Variants in ZSCAN5B observed in about 807,000 individuals in gnomAD.
The protein encoded by ZSCAN5B is zinc finger and SCAN domain-containing protein 5B.
Under a neutral mutation model 25.2 loss-of-function variants are expected in ZSCAN5B, and 26 were observed. The observed-to-expected ratio is 1.03, with a 90% CI of 0.76 to 1.43. The LOEUF (loss-of-function observed/expected upper bound fraction) is 1.43, where lower values mean the gene tolerates loss of function less well. Ranked by LOEUF, ZSCAN5B falls within the 40% of genes most tolerant of loss-of-function variation. The probability of loss-of-function intolerance (pLI) is 0.00; values close to 1 mark genes in which losing one functional copy is unlikely to be tolerated. For missense variants in ZSCAN5B, 745 were observed against 622.1 expected (o/e 1.20, Z -2.10); for synonymous variants, 244 against 240.9 (o/e 1.01, Z -0.12).
chr19:56,196,842 A>T (rs77490062), intron 1 of ZSCAN5B, among the ~76,000 whole-genome samples: 7,416 of 152,210 alleles, frequency 0.049, 477 homozygotes, highest in East Asian at 0.27. Context: ...AAATTCTGGG[A>T]ATTAAAGAGG....
At chr19:56,190,200 A>G in exon 5 of ZSCAN5B, 8 of 1,614,084 alleles carry the variant, frequency 5.0e-6, no homozygotes, top group Non-Finnish European at 6.8e-6. Context: ...CCTCCTGTGG[A>G]TGCTTAGCTG....
intron 3 of ZSCAN5B, 68 bp from the exon 4 acceptor site, chr19:56,191,055 C>A: frequency 2.5e-6 from 4 of 1,605,996 alleles, no homozygotes; most frequent in Non-Finnish European, 3.4e-6. Flanking sequence ...CATGTCTGTC[C>A]CCTCCTGACT....
chr19:56,191,071 C>G (rs112013480), intron 3 of ZSCAN5B, 84 bp from the exon 4 acceptor site: 1 of 1,581,834 alleles, frequency 6.3e-7, no homozygotes. Flanking sequence ...TGACTGGACA[C>G]ACCAGACTTC....
At chr19:56,190,669 A>T in intron 4 of ZSCAN5B, 94 bp from the exon 5 acceptor site, 1 of 1,554,988 alleles carries the variant, frequency 6.4e-7, no homozygotes, top group Non-Finnish European at 8.7e-7. Context: ...TTGGCTGAGA[A>T]CTTCCCCTCA....
At chr19:56,195,128 A>G (rs180856026) in intron 1 of ZSCAN5B, among the ~76,000 whole-genome samples, 28 of 152,200 alleles carry the variant, frequency 1.8e-4, no homozygotes, top group Admixed American at 3.3e-4. Flanking sequence ...GAGGGCGAGT[A>G]CCCCACACTT....
At chr19:56,197,246 C>A (rs944663214) in intron 1 of ZSCAN5B, among the ~76,000 whole-genome samples, 1 of 151,356 alleles carries the variant, frequency 6.6e-6, no homozygotes, top group African/African-American at 2.4e-5. Flanking sequence ...GACCTCGGCT[C>A]ACTGCAACCT....
At chr19:56,194,287 T>C (rs1309237036) in intron 1 of ZSCAN5B, among the ~76,000 whole-genome samples, 1 of 152,004 alleles carries the variant, frequency 6.6e-6, no homozygotes, top group East Asian at 1.9e-4. Context: ...GATCATACCA[T>C]AGAGCGGTTT....
At chr19:56,195,841 A>AT (rs769592902) in intron 1 of ZSCAN5B, among the ~76,000 whole-genome samples, 4 of 107,316 alleles carry the variant, frequency 3.7e-5, no homozygotes, top group African/African-American at 1.2e-4. Context: ...TAAAAGTGGA[A>AT]TTTTTTTTTA....
exon 2 of ZSCAN5B, chr19:56,192,698 G>A (rs957894969): frequency 5.7e-6 from 9 of 1,591,082 alleles, no homozygotes; most frequent in Admixed American, 1.7e-5. Flanking sequence ...TTATTTCGTA[G>A]CAGGTCCTCC....
chr19:56,197,384 C>T (rs1229997308), intron 1 of ZSCAN5B, among the ~76,000 whole-genome samples: 3 of 152,054 alleles, frequency 2.0e-5, no homozygotes, highest in Non-Finnish European at 4.4e-5. Flanking sequence ...ATTACGGGCG[C>T]CCGCCACCAC....
At chr19:56,195,613 G>A (rs932952984) in intron 1 of ZSCAN5B, among the ~76,000 whole-genome samples, 5 of 151,956 alleles carry the variant, frequency 3.3e-5, no homozygotes, top group Admixed American at 1.3e-4. Context: ...GCATGAGCCG[G>A]CAATCCCGCT....
At chr19:56,189,848 G>A (rs1209139512) in exon 5 of ZSCAN5B, 1 of 1,609,632 alleles carries the variant, frequency 6.2e-7, no homozygotes, top group Admixed American at 1.7e-5. Flanking sequence ...TGGTTTCCCG[G>A]TGTGTTTTCA....
exon 5 of ZSCAN5B, chr19:56,190,082 G>A (rs2032704686): frequency 1.2e-6 from 2 of 1,614,066 alleles, no homozygotes; most frequent in Non-Finnish European, 1.7e-6. Context: ...CGTCACACAT[G>A]TAGGGCCTCT....
rs1160755887 is a variant in ZSCAN5B at position 56,192,065 on chromosome 19, A to G, written c.385-12T>C. ...AAGTTGACTATAGACTGTAGAGAGA[A>G]AAAAGACAATCAGACACTATGAGAA... On this transcript the variant is annotated splice_polypyrimidine_tract_variant and intron_variant, in intron 2 of 4. Transcript: ENST00000586855. 2 of 1,604,848 alleles carry G rather than the reference A, an allele frequency of 1.2e-6. No homozygotes were observed. Among genetic ancestry groups the G allele is most frequent in the Non-Finnish European group, 1.7e-6 (2 of 1,175,744 alleles).
In ZSCAN5B at chr19:56,192,982, C is replaced by T. The variant is rs368732521; in HGVS notation, c.71G>A (p.Arg24Gln). The T allele has an allele frequency of 2.6e-4, 415 of 1,607,550 alleles. No individual in the cohort carries two copies. Among genetic ancestry groups the T allele is most frequent in the African/African-American group, 5.5e-4 (41 of 74,822 alleles). The stretch of plus-strand genomic sequence containing the variant: ...TTGAGTTTCTGGGGACGCCACAGAC[C>T]GTGGAGTGTCTGACCCAGGGCTGTT... Residue 24 changes from arginine to glutamine, a missense_variant, in exon 2 of 5, where the codon CGG (arginine) becomes CAG (glutamine). Arg to Gln is a conservative substitution (Grantham distance 43, BLOSUM62 1). Coordinates refer to ENST00000586855, the Ensembl canonical transcript of ZSCAN5B.
chr19:56,190,313 G>A (rs750062485), exon 5 of ZSCAN5B: 1 of 1,614,170 alleles, frequency 6.2e-7, no homozygotes, highest in Non-Finnish European at 8.5e-7. Context: ...CAGGGCCTGG[G>A]GAATGAACTG....
At chr19:56,192,436 C>T (rs371495392) in intron 2 of ZSCAN5B, among the ~76,000 whole-genome samples, 1 of 152,202 alleles carries the variant, frequency 6.6e-6, no homozygotes, top group Admixed American at 6.5e-5. Context: ...CTGGGCCCCC[C>T]TTCAGTTCAC....
chr19:56,196,064 ATT>A (rs2032805748), intron 1 of ZSCAN5B, among the ~76,000 whole-genome samples: 1 of 151,924 alleles, frequency 6.6e-6, no homozygotes, highest in Non-Finnish European at 1.5e-5. Flanking sequence ...TTATTGATTT[ATT>A]TTTTGAGACA....
At chr19:56,191,761 C>T (rs1272886764) in intron 3 of ZSCAN5B, 89 bp downstream of exon 3, 13 of 1,374,552 alleles carry the variant, frequency 9.5e-6, no homozygotes, top group South Asian at 5.3e-5. Flanking sequence ...TTGTCCTGTG[C>T]CAAATCTCTC....
Sources: allele counts gnomAD v4.1 joint callset (sites outside exome capture counted in the v4.1 genomes callset), GRCh38; gene constraint gnomAD v4.1.1; transcripts MANE v1.5; gene names NCBI Gene and HGNC (gene_info 2026-07-23, HGNC 2026-07-21).